Variants in CACNA2D1 observed in about 807,000 individuals in gnomAD.
CACNA2D1 encodes the protein voltage-dependent calcium channel subunit alpha-2/delta-1.
In CACNA2D1, 53 loss-of-function variants were observed where a neutral mutation model predicts 171.5. That is an observed-to-expected ratio of 0.31 (90% CI 0.25 to 0.39). The LOEUF is 0.39. Ranked by LOEUF, CACNA2D1 falls within the 10% of genes least tolerant of loss-of-function variation. CACNA2D1 has a pLI of 1.00. For synonymous variants in CACNA2D1, 442 were observed against 443.1 expected (o/e 1.00, Z 0.03); for missense variants, 903 against 1,299.8 (o/e 0.69, Z 4.69).
At chr7:82,124,978 CT>C (rs1790164234) in intron 5 of CACNA2D1, among the ~76,000 whole-genome samples, 1 of 152,122 alleles carries the variant, frequency 6.6e-6, no homozygotes, top group Non-Finnish European at 1.5e-5. Context: ...CATATCCCTA[CT>C]AGCTTATTCT....
At chr7:82,358,967 T>C (rs1426973401) in intron 1 of CACNA2D1, among the ~76,000 whole-genome samples, 1 of 152,220 alleles carries the variant, frequency 6.6e-6, no homozygotes. Flanking sequence ...TTGGGGTTGA[T>C]AGTAACATAG....
intron 24 of CACNA2D1, among the ~76,000 whole-genome samples, chr7:81,975,034 A>G (rs1220626234): frequency 2.0e-5 from 3 of 152,044 alleles, no homozygotes; most frequent in South Asian, 2.1e-4. Flanking sequence ...AAATAAAAAA[A>G]AAATTGCCTG....
At chr7:82,337,046 T>C (rs187104998) in intron 2 of CACNA2D1, among the ~76,000 whole-genome samples, 30 of 152,272 alleles carry the variant, frequency 2.0e-4, no homozygotes, top group Admixed American at 9.8e-4. Flanking sequence ...AAGGAATAAA[T>C]AGATTATAAA....
intron 1 of CACNA2D1, among the ~76,000 whole-genome samples, chr7:82,367,890 A>C (rs533433228): frequency 1.7e-4 from 26 of 152,270 alleles, no homozygotes; most frequent in Admixed American, 7.8e-4. Flanking sequence ...TTTTAAAGTT[A>C]TGTGCAAAAA....
intron 3 of CACNA2D1, among the ~76,000 whole-genome samples, chr7:82,280,570 T>A (rs1585319901): frequency 6.6e-6 from 1 of 152,250 alleles, no homozygotes; most frequent in Non-Finnish European, 1.5e-5. Context: ...TTACATTTTT[T>A]AAATTTAGAA....
At chr7:82,350,739 A>G (rs1246552947) in intron 1 of CACNA2D1, among the ~76,000 whole-genome samples, 1 of 152,260 alleles carries the variant, frequency 6.6e-6, no homozygotes, top group South Asian at 2.1e-4. Flanking sequence ...GAATTACTAG[A>G]TCCATTTATA....
intron 8 of CACNA2D1, among the ~76,000 whole-genome samples, chr7:82,065,251 C>T (rs112307697): frequency 6.6e-6 from 1 of 152,144 alleles, no homozygotes; most frequent in African/African-American, 2.4e-5. Flanking sequence ...GAGTTTGTAA[C>T]CTGCACCCTT....
chr7:82,006,332 T>G (rs1246896463), intron 16 of CACNA2D1, among the ~76,000 whole-genome samples: 1 of 152,022 alleles, frequency 6.6e-6, no homozygotes. Flanking sequence ...GTGACCATAT[T>G]GGTGATAAAA....
At chr7:82,267,975 T>C (rs1808124684) in intron 3 of CACNA2D1, among the ~76,000 whole-genome samples, 1 of 152,032 alleles carries the variant, frequency 6.6e-6, no homozygotes, top group African/African-American at 2.4e-5. Context: ...CCAGCCTGAG[T>C]GACAGAGTGA....
chr7:82,217,388 C>CAT (rs1403351039), intron 3 of CACNA2D1, among the ~76,000 whole-genome samples: 5 of 60,214 alleles, frequency 8.3e-5, no homozygotes, highest in African/African-American at 4.5e-4. Flanking sequence ...TACACACACA[C>CAT]ACATACATAT....
chr7:82,358,664 T>G (rs1024264090), intron 1 of CACNA2D1, among the ~76,000 whole-genome samples: 5 of 151,356 alleles, frequency 3.3e-5, no homozygotes, highest in African/African-American at 1.2e-4. Context: ...TTCTCTGCCT[T>G]CATTTTCTGT....
rs541084401 is a variant in CACNA2D1 at position 82,333,982 on chromosome 7, G to A, written c.294+1153C>T. On this transcript the variant is annotated intron_variant, in intron 3 of 38. Transcript: ENST00000356860. ...GTTGACTTTGCAATAAAATTAAGAT[G>A]TTTGCATCATATATAACTAAAATGA... Among the ~76,000 whole-genome samples, 137 of 152,162 alleles carry A rather than the reference G, an allele frequency of 9.0e-4. 3 individuals are homozygous for A. Among genetic ancestry groups the A allele is most frequent in the East Asian group, 8.5e-3 (44 of 5,176 alleles).
chr7:82,204,256 C>T (rs1444304723), intron 3 of CACNA2D1, among the ~76,000 whole-genome samples: 2 of 152,152 alleles, frequency 1.3e-5, no homozygotes, highest in African/African-American at 4.8e-5. Context: ...AAGGAGGTGA[C>T]AACTATGATA....
intron 38 of CACNA2D1, among the ~76,000 whole-genome samples, chr7:81,955,597 C>G (rs1010721131): frequency 1.3e-5 from 2 of 151,806 alleles, no homozygotes; most frequent in Non-Finnish European, 2.9e-5. Flanking sequence ...ATAAAGGAAT[C>G]TCAAATGTTT....
rs7457974 is a variant in CACNA2D1 at position 82,432,621 on chromosome 7, G to A, written c.95+10744C>T. On this transcript the variant is annotated intron_variant, in intron 1 of 38. Coordinates refer to ENST00000356860, the MANE Select transcript of CACNA2D1 (RefSeq NM_000722.4). ...CTCCCCAACAGCTGAGCCTACAAGCGAGCCCTCGCCCAAATTCCAGTGGTT... is the reference window on the plus strand; with the variant it reads ...CTCCCCAACAGCTGAGCCTACAAGCAAGCCCTCGCCCAAATTCCAGTGGTT... Among the ~76,000 whole-genome samples the A allele has an allele frequency of 3.4e-3, 511 of 152,278 alleles. 2 individuals are homozygous for A. The highest frequency in any genetic ancestry group is 0.012 in the African/African-American group (494 of 41,562).
chr7:82,066,950 G>A (rs1313047463), intron 7 of CACNA2D1, among the ~76,000 whole-genome samples: 1 of 151,718 alleles, frequency 6.6e-6, no homozygotes, highest in Non-Finnish European at 1.5e-5. Flanking sequence ...GTTTTTCTTG[G>A]GTTTTTATGT....
chr7:82,332,564 A>AAGAAAG lies in CACNA2D1; in HGVS notation c.294+2570_294+2571insCTTTCT, dbSNP rs200114409. On this transcript the variant is annotated intron_variant, in intron 3 of 38. Transcript: ENST00000356860. ...AAAGAAAGAAAGAAAGAAAGAAAGA[A>AAGAAAG]AGAACGAACAGAAAATTTTTGAGGG... 2.1e-3 allele frequency among the ~76,000 whole-genome samples: 306 copies of AAGAAAG among 144,224 alleles called. 5 individuals carry two copies. The highest frequency in any genetic ancestry group is 3.3e-3 in the Non-Finnish European group (215 of 65,304). 94.6% of individuals were successfully genotyped at this position (144,224 alleles called of 152,430 possible). A position where few individuals can be genotyped will look rare whatever the true frequency, so the allele number is the denominator to read the frequency against.
At chr7:82,007,804 G>T in intron 15 of CACNA2D1, 48 bp from the exon 16 acceptor site, 1 of 1,133,880 alleles carries the variant, frequency 8.8e-7, no homozygotes, top group Non-Finnish European at 1.3e-6. Flanking sequence ...TACAATTTAA[G>T]CTTTGTCAGA....
chr7:82,110,191 A>T (rs1385793642), intron 6 of CACNA2D1, among the ~76,000 whole-genome samples: 1 of 152,170 alleles, frequency 6.6e-6, no homozygotes, highest in Non-Finnish European at 1.5e-5. Flanking sequence ...CTTTCCATTT[A>T]TGTTATGGAT....
Sources: allele counts gnomAD v4.1 joint callset (sites outside exome capture counted in the v4.1 genomes callset), GRCh38; gene constraint gnomAD v4.1.1; transcripts MANE v1.5; gene names NCBI Gene and HGNC (gene_info 2026-07-23, HGNC 2026-07-21).